Variants in DPYSL2 observed in about 807,000 individuals in gnomAD.
DPYSL2 encodes the protein dihydropyrimidinase like 2.
In DPYSL2, 13 loss-of-function variants were observed where a neutral mutation model predicts 69.9. The observed-to-expected ratio is 0.19, with a 90% CI of 0.12 to 0.30. The LOEUF (loss-of-function observed/expected upper bound fraction) is 0.30, where lower values mean the gene tolerates loss of function less well. Among genes scored for constraint, DPYSL2 ranks in the 10% least tolerant of loss-of-function variants. The probability of loss-of-function intolerance (pLI) is 1.00; values close to 1 mark genes in which losing one functional copy is unlikely to be tolerated. For synonymous variants in DPYSL2, 326 were observed against 359.1 expected, an observed-to-expected ratio of 0.91 and a Z score of 1.04; for missense variants, 587 against 918.9, an observed-to-expected ratio of 0.64 and a Z score of 4.67.
rs576469036 is a variant in DPYSL2, at chr8:26,598,390, C to A, written c.628+14407C>A. The stretch of plus-strand genomic sequence containing the variant: ...CTCCTCCTCTCCATCTCCTGAATTT[C>A]TTTTCTTGCTAAGCCTATTCAGCTC... On this transcript the variant is annotated intron_variant, in intron 3 of 13. Transcript: ENST00000521913. This position sits in a 1 kb window ranked among gnomAD's most constrained non-coding sequence, Gnocchi z 4.2. Among the ~76,000 whole-genome samples, 12 of 152,304 alleles carry A rather than the reference C, an allele frequency of 7.9e-5. No individual in the cohort carries two copies. Among genetic ancestry groups the A allele is most frequent in the Non-Finnish European group, 1.3e-4 (9 of 68,030 alleles).
chr8:26,556,192 T>TAGTA (rs370573016), intron 1 of DPYSL2, among the ~76,000 whole-genome samples: 233 of 8,976 alleles, frequency 0.026, 57 homozygotes, highest in African/African-American at 0.04. Context: ...ACTATATATA[T>TAGTA]TATATATACT....
At chr8:26,539,966 C>A (rs773766310) in intron 1 of DPYSL2, among the ~76,000 whole-genome samples, 6 of 152,106 alleles carry the variant, frequency 3.9e-5, no homozygotes, top group Non-Finnish European at 7.4e-5. Context: ...AACAAAAAAT[C>A]AAGGAAACAT....
rs1246986150 is a variant in DPYSL2, at chr8:26,657,371, C to G, written c.*1665C>G. 6.6e-6 allele frequency: 1 copy of G among 152,624 alleles called. No homozygotes were observed. Among genetic ancestry groups the G allele is most frequent in the Non-Finnish European group, 1.5e-5 (1 of 68,032 alleles). 9.5% of individuals were successfully genotyped at this position (152,624 alleles called of 1,614,324 possible). ...GACTTGTGTTGCATTGTATTCCAAA[C>G]GTGTTTACAGGTTCTCTTAAGCAAT... On this transcript the variant is annotated 3_prime_UTR_variant, in exon 14 of 14. Coordinates refer to ENST00000521913, the MANE Select transcript of DPYSL2 (RefSeq NM_001197293.3).
rs556005230 is a variant in DPYSL2, at chr8:26,580,772, T to C, written c.355-1197T>C. On this transcript the variant is annotated intron_variant, in intron 1 of 13. Coordinates refer to ENST00000521913, the MANE Select transcript of DPYSL2 (RefSeq NM_001197293.3). The surrounding 1 kb of genome is among the most constrained non-coding windows in gnomAD (Gnocchi z 4.1). Reference sequence around the variant, plus strand: ...GCCAAAAGAATGTCATTCTTTGAAATGTGTTGCATATTAAAAGGGCAATGT... The same window carrying C: ...GCCAAAAGAATGTCATTCTTTGAAACGTGTTGCATATTAAAAGGGCAATGT... 4.6e-5 allele frequency among the ~76,000 whole-genome samples: 7 copies of C among 152,340 alleles called. No homozygotes were observed. The East Asian group carries it at 1.3e-3, about 29-fold the overall frequency.
rs539002481 is a variant in DPYSL2 at position 26,614,386 on chromosome 8, C to T, written c.629-9757C>T. On this transcript the variant is annotated intron_variant, in intron 3 of 13. Coordinates refer to ENST00000521913, the MANE Select transcript of DPYSL2 (RefSeq NM_001197293.3). This position sits in a 1 kb window ranked among gnomAD's most constrained non-coding sequence, Gnocchi z 4.9. ...GCAACATTCAGCTCCCTCCATAGCTCGATGAGAAGAGAGGGGTGGGGACAG... is the reference window on the plus strand; with the variant it reads ...GCAACATTCAGCTCCCTCCATAGCTTGATGAGAAGAGAGGGGTGGGGACAG... 3.1e-4 allele frequency among the ~76,000 whole-genome samples: 47 copies of T among 152,028 alleles called. No homozygotes were observed. The South Asian group carries it at 8.3e-3, about 27-fold the overall frequency.
intron 1 of DPYSL2, among the ~76,000 whole-genome samples, chr8:26,529,663 A>G (rs1800466243): frequency 6.6e-6 from 1 of 151,808 alleles, no homozygotes; most frequent in Non-Finnish European, 1.5e-5. Flanking sequence ...TTATAGTCAC[A>G]TCACTAAAAC....
chr8:26,541,854 A>T (rs1255897520), intron 1 of DPYSL2, among the ~76,000 whole-genome samples: 1 of 152,162 alleles, frequency 6.6e-6, no homozygotes, highest in East Asian at 1.9e-4. Flanking sequence ...TCATCAAACA[A>T]CAAAGACAGC....
intron 1 of DPYSL2, among the ~76,000 whole-genome samples, chr8:26,540,258 G>T (rs1264553043): frequency 7.2e-6 from 1 of 138,518 alleles, no homozygotes; most frequent in Non-Finnish European, 1.6e-5. Context: ...CAGTAGACTT[G>T]ATCAAGCATA....
At position 26,653,617 on chromosome 8, in the gene DPYSL2, G is replaced by T. The variant is rs1265351073; in HGVS notation, c.1942+220G>T. Among the ~76,000 whole-genome samples, 1 of 152,080 alleles carries T rather than the reference G, an allele frequency of 6.6e-6. No individual in the cohort carries two copies. Among genetic ancestry groups the T allele is most frequent in the African/African-American group, 2.4e-5 (1 of 41,388 alleles). ...TCTGTTACCCAGACTGGAGTGCAAT[G>T]GCACGACCTTGGCTCACTGCAACCT... is the stretch of plus-strand genomic sequence containing the variant. On this transcript the variant is annotated intron_variant, in intron 13 of 13. Coordinates refer to ENST00000521913, the MANE Select transcript of DPYSL2 (RefSeq NM_001197293.3). The surrounding 1 kb of genome is among the most constrained non-coding windows in gnomAD (Gnocchi z 5.7).
intron 1 of DPYSL2, among the ~76,000 whole-genome samples, chr8:26,549,909 A>T (rs984319833): frequency 2.0e-5 from 3 of 148,292 alleles, no homozygotes; most frequent in Admixed American, 1.3e-4. Flanking sequence ...AAGAAATGTT[A>T]AAAAAAAAAT....
intron 1 of DPYSL2, among the ~76,000 whole-genome samples, chr8:26,542,720 C>T (rs1800705695): frequency 6.6e-6 from 1 of 152,136 alleles, no homozygotes; most frequent in African/African-American, 2.4e-5. Context: ...GCTACCACAC[C>T]TGGCCTAACT....
In DPYSL2 at chr8:26,562,134, A is replaced by G. The variant is rs1187308838; in HGVS notation, c.355-19835A>G. Among the ~76,000 whole-genome samples the G allele has an allele frequency of 6.6e-6, 1 of 152,190 alleles. No homozygotes were observed. Among genetic ancestry groups the G allele is most frequent in the Non-Finnish European group, 1.5e-5 (1 of 68,030 alleles). ...TTAGTGACTTTTATTGGCAGCAGAAACAAGAGTGGATAAGAGGAAGGACAC... is the reference window on the plus strand; with the variant it reads ...TTAGTGACTTTTATTGGCAGCAGAAGCAAGAGTGGATAAGAGGAAGGACAC... On this transcript the variant is annotated intron_variant, in intron 1 of 13. Transcript: ENST00000521913. The surrounding 1 kb of genome is among the most constrained non-coding windows in gnomAD (Gnocchi z 4.9).
intron 1 of DPYSL2, among the ~76,000 whole-genome samples, chr8:26,523,269 T>C (rs1042325837): frequency 2.0e-5 from 3 of 152,098 alleles, no homozygotes; most frequent in Non-Finnish European, 4.4e-5. Flanking sequence ...AGTTTTAAAC[T>C]AATAAATTTG....
Position 26,652,448 on chromosome 8 carries a change from T to C in DPYSL2, c.1776+12T>C. 2 of 1,587,256 alleles carry C rather than the reference T, an allele frequency of 1.3e-6. No individual in the cohort carries two copies. The highest frequency in any genetic ancestry group is 2.3e-5 in the South Asian group (2 of 88,140). Reference sequence around the variant, plus strand: ...AGGCAAGGAGCAGGGTGAGTAGTTTTGTTCTGATGAATTTTTTGTTAAATC... The same window carrying C: ...AGGCAAGGAGCAGGGTGAGTAGTTTCGTTCTGATGAATTTTTTGTTAAATC... On this transcript the variant is annotated intron_variant, in intron 12 of 13. Coordinates refer to ENST00000521913, the MANE Select transcript of DPYSL2 (RefSeq NM_001197293.3). The surrounding 1 kb of genome is among the most constrained non-coding windows in gnomAD (Gnocchi z 6.3).
Position 26,580,567 on chromosome 8 carries a change from A to G in DPYSL2, c.355-1402A>G, listed in dbSNP as rs1255970066. 3.3e-5 allele frequency among the ~76,000 whole-genome samples: 5 copies of G among 152,250 alleles called. No individual in the cohort carries two copies. The highest frequency in any genetic ancestry group is 5.9e-5 in the Non-Finnish European group (4 of 68,036). ...TGGTTTTCAGTATGTTAGAGAGACA[A>G]TAAATACTTTCTGAACCAAGGTGTG... On this transcript the variant is annotated intron_variant, in intron 1 of 13. Coordinates refer to ENST00000521913, the MANE Select transcript of DPYSL2 (RefSeq NM_001197293.3). This position sits in a 1 kb window ranked among gnomAD's most constrained non-coding sequence, Gnocchi z 4.1.
At position 26,633,036 on chromosome 8, in the gene DPYSL2, G is replaced by A. The variant is rs543910869; in HGVS notation, c.1006-1744G>A. Among the ~76,000 whole-genome samples the A allele has an allele frequency of 2.6e-5, 4 of 152,334 alleles. No homozygotes were observed. The South Asian group carries it at 8.3e-4, about 32-fold the overall frequency. ...TTTAATCTTTTGGCCAAGCTCTGGT[G>A]GAGACAAGGTAACCAATTCAGTTAT... On this transcript the variant is annotated intron_variant, in intron 7 of 13. Transcript: ENST00000521913.
chr8:26,594,229 G>A (rs905774963), intron 3 of DPYSL2, among the ~76,000 whole-genome samples: 1 of 152,034 alleles, frequency 6.6e-6, no homozygotes, highest in Non-Finnish European at 1.5e-5. Flanking sequence ...GAGTTTTTTT[G>A]TGCCATACTA....
chr8:26,524,801 C>CAAAAAA (rs753822230), intron 1 of DPYSL2, among the ~76,000 whole-genome samples: 38 of 41,112 alleles, frequency 9.2e-4, no homozygotes, highest in African/African-American at 1.3e-3. Flanking sequence ...GACTCTGTCT[C>CAAAAAA]AAAAAAAAAA....
In DPYSL2 at chr8:26,588,655, C is replaced by T. The variant is rs139630624; in HGVS notation, c.628+4672C>T. Reference sequence around the variant, plus strand: ...GGAGGAGGAGGGGAGGTGCTGCTGCCGCAGGGCTGGAAGGGGCCCTCCCTC... The same window carrying T: ...GGAGGAGGAGGGGAGGTGCTGCTGCTGCAGGGCTGGAAGGGGCCCTCCCTC... On this transcript the variant is annotated intron_variant, in intron 3 of 13. Transcript: ENST00000521913. The surrounding 1 kb of genome is among the most constrained non-coding windows in gnomAD (Gnocchi z 5.4). Among the ~76,000 whole-genome samples the T allele has an allele frequency of 1.3e-3, 196 of 152,214 alleles. No individual in the cohort carries two copies. Among genetic ancestry groups the T allele is most frequent in the Non-Finnish European group, 2.4e-3 (162 of 68,016 alleles).
Sources: allele counts gnomAD v4.1 joint callset (sites outside exome capture counted in the v4.1 genomes callset), GRCh38; gene constraint gnomAD v4.1.1; non-coding constraint Gnocchi (gnomAD v3.1); transcripts MANE v1.5; gene names NCBI Gene and HGNC (gene_info 2026-07-23, HGNC 2026-07-21).